SPACA7: variants seen among roughly 807,000 people sequenced by gnomAD.
The protein encoded by SPACA7 is sperm acrosome-associated protein 7.
SPACA7 carries 19 observed loss-of-function variants against 26.3 expected under a neutral mutation model. That is an observed-to-expected ratio of 0.72 (90% CI 0.50 to 1.06). The LOEUF is 1.06. Ranked by LOEUF, SPACA7 falls within the 50% of genes least tolerant of loss-of-function variation. SPACA7 has a pLI of 0.00. For synonymous variants in SPACA7, 84 were observed against 84.5 expected (o/e 0.99, Z 0.04); for missense variants, 211 against 229.9 (o/e 0.92, Z 0.53).
At chr13:112,414,548 T>C (rs924218476) in intron 5 of SPACA7, among the ~76,000 whole-genome samples, 3 of 151,802 alleles carry the variant, frequency 2.0e-5, no homozygotes, top group African/African-American at 7.3e-5. Context: ...GTATCTGGGA[T>C]TACAGGCACA....
intron 4 of SPACA7, 106 bp from the exon 5 acceptor site, chr13:112,400,963 A>G (rs1885599159): frequency 1.3e-6 from 1 of 781,308 alleles, no homozygotes; most frequent in Non-Finnish European, 2.1e-6. Flanking sequence ...CTTGAAAATG[A>G]TATTAGCATC....
intron 6 of SPACA7, among the ~76,000 whole-genome samples, chr13:112,433,986 A>G (rs1350430072): frequency 6.6e-6 from 1 of 152,182 alleles, no homozygotes; most frequent in Non-Finnish European, 1.5e-5. Context: ...CTCTAACAGC[A>G]AAAGACAGGG....
At chr13:112,381,047 A>G (rs1281533585) in intron 1 of SPACA7, among the ~76,000 whole-genome samples, 3 of 130,704 alleles carry the variant, frequency 2.3e-5, no homozygotes, top group African/African-American at 8.5e-5. Flanking sequence ...GTCTCTCTGT[A>G]TCATATAAAA....
chr13:112,393,984 C>CAAAAAAAAAAAAAAAAAAAAAA (rs35094954), intron 2 of SPACA7, among the ~76,000 whole-genome samples: 1 of 133,368 alleles, frequency 7.5e-6, no homozygotes. Flanking sequence ...GACTCTGTCT[C>CAAAAAAAAAAAAAAAAAAAAAA]AAAAAAAAAA....
intron 1 of SPACA7, among the ~76,000 whole-genome samples, chr13:112,388,938 T>C (rs1218374728): frequency 6.6e-6 from 1 of 152,150 alleles, no homozygotes; most frequent in Admixed American, 6.5e-5. Context: ...ATGAGCCACT[T>C]TATCCATCTG....
chr13:112,396,086 G>A (rs2138933601), intron 2 of SPACA7, among the ~76,000 whole-genome samples: 2 of 136,658 alleles, frequency 1.5e-5, no homozygotes, highest in East Asian at 3.9e-4. Flanking sequence ...TCACAGCTGG[G>A]CCACCATCCA....
chr13:112,392,215 A>G (rs1409274), intron 1 of SPACA7, among the ~76,000 whole-genome samples: 17,095 of 152,184 alleles, frequency 0.11, 2,300 homozygotes, highest in African/African-American at 0.31. Context: ...TGGCAGAAGC[A>G]GGGAACTACT....
intron 5 of SPACA7, among the ~76,000 whole-genome samples, chr13:112,424,876 C>G (rs981981367): frequency 6.6e-6 from 1 of 152,130 alleles, no homozygotes; most frequent in Non-Finnish European, 1.5e-5. Context: ...CCATATCCCC[C>G]CATGGGAACA....
intron 4 of SPACA7, among the ~76,000 whole-genome samples, chr13:112,399,847 A>G (rs1053428270): frequency 6.6e-6 from 1 of 152,144 alleles, no homozygotes; most frequent in African/African-American, 2.4e-5. Flanking sequence ...AGCCCTCAGG[A>G]AACTTACAAT....
In SPACA7 at chr13:112,391,313, C is replaced by T. The variant is rs148630016; in HGVS notation, c.95-1708C>T. On this transcript the variant is annotated intron_variant, in intron 1 of 6. Coordinates refer to ENST00000283550, the MANE Select transcript of SPACA7 (RefSeq NM_145248.5). ...TTGGGTTTCCTTACTCTCCTTGGTC[C>T]TTAATGACTCAGTGGGCACTTCAGG... 1.2e-3 allele frequency among the ~76,000 whole-genome samples: 182 copies of T among 152,324 alleles called. 5 individuals carry two copies. In the East Asian group the frequency reaches 0.031, roughly 26 times the overall value.
intron 1 of SPACA7, among the ~76,000 whole-genome samples, chr13:112,387,191 T>A (rs1267097840): frequency 6.6e-6 from 1 of 152,186 alleles, no homozygotes; most frequent in Admixed American, 6.5e-5. Context: ...TAAGAAAATG[T>A]TTAGGGCTAA....
At chr13:112,394,431 G>T (rs1159653756) in intron 2 of SPACA7, among the ~76,000 whole-genome samples, 1 of 151,732 alleles carries the variant, frequency 6.6e-6, no homozygotes, top group East Asian at 1.9e-4. Flanking sequence ...TCGAACAGGG[G>T]CTCCCGTGGG....
intron 5 of SPACA7, among the ~76,000 whole-genome samples, chr13:112,415,977 G>A (rs867217819): frequency 1.1e-4 from 16 of 147,754 alleles, no homozygotes; most frequent in Non-Finnish European, 1.9e-4. Flanking sequence ...GAGCTCCAAT[G>A]CAAGGTCCCA....
In SPACA7 at chr13:112,434,254, G is replaced by C. The variant is rs532665499; in HGVS notation, c.524-231G>C. ...TCGATGGGTTTTGAGGGAGAACGCG[G>C]GGGAAATGACACTGGACAGGGTGGC... On this transcript the variant is annotated intron_variant, in intron 6 of 6. Coordinates refer to ENST00000283550, the MANE Select transcript of SPACA7 (RefSeq NM_145248.5). Among the ~76,000 whole-genome samples the C allele has an allele frequency of 2.0e-5, 3 of 152,300 alleles. No homozygotes were observed. The East Asian group carries it at 5.8e-4, about 29-fold the overall frequency.
intron 5 of SPACA7, among the ~76,000 whole-genome samples, chr13:112,410,756 A>G (rs1886297130): frequency 6.6e-6 from 1 of 152,226 alleles, no homozygotes; most frequent in South Asian, 2.1e-4. Flanking sequence ...GCCTCAAAAA[A>G]TAAAAAATAG....
At chr13:112,382,534 C>G (rs1222704221) in intron 1 of SPACA7, 2 of 1,548,076 alleles carry the variant, frequency 1.3e-6, no homozygotes, top group African/African-American at 2.7e-5. Flanking sequence ...CGTTTTGCAA[C>G]TATCTGGGCG....
At chr13:112,399,206 G>A (rs1885478666) in intron 4 of SPACA7, 33 bp downstream of exon 4, 1 of 1,159,356 alleles carries the variant, frequency 8.6e-7, no homozygotes, top group Non-Finnish European at 1.3e-6. Flanking sequence ...CCCTTCCCAA[G>A]TCCAGCTGTA....
At chr13:112,377,932 G>C (rs1883798236) in intron 1 of SPACA7, among the ~76,000 whole-genome samples, 1 of 152,242 alleles carries the variant, frequency 6.6e-6, no homozygotes, top group African/African-American at 2.4e-5. Context: ...CCAGAGGGCA[G>C]TCTGTTGAGA....
At chr13:112,378,332 AC>A (rs1883824923) in intron 1 of SPACA7, among the ~76,000 whole-genome samples, 1 of 152,224 alleles carries the variant, frequency 6.6e-6, no homozygotes, top group Non-Finnish European at 1.5e-5. Context: ...AGGGTGTGCT[AC>A]CATTTTTCAT....
Sources: gnomAD v4.1 joint callset for allele counts (sites outside exome capture counted in the v4.1 genomes callset) on GRCh38, gnomAD v4.1.1 for gene constraint, MANE v1.5 for transcripts, NCBI Gene and HGNC (gene_info 2026-07-23, HGNC 2026-07-21) for gene names.